The following TBCD variants were observed in gnomAD, a reference collection of about 807,000 sequenced individuals.
TBCD encodes tubulin-specific chaperone D.
In TBCD, 105 loss-of-function variants were observed where a neutral mutation model predicts 169.3. The observed-to-expected ratio is 0.62, with a 90% CI of 0.53 to 0.73. The LOEUF is 0.73. Among genes scored for constraint, TBCD ranks in the 30% least tolerant of loss-of-function variants. TBCD has a pLI of 0.00. For synonymous variants in TBCD, 700 were observed against 643.9 expected (o/e 1.09, Z -1.32); for missense variants, 1,444 against 1,600.1 (o/e 0.90, Z 1.66).
intron 37 of TBCD, among the ~76,000 whole-genome samples, chr17:82,940,397 A>G (rs913787675): frequency 4.6e-5 from 7 of 152,020 alleles, no homozygotes; most frequent in Admixed American, 2.0e-4. Context: ...GCCGACTGTG[A>G]GGGCCTCCGT....
chr17:82,857,768 A>T (rs1278213547), intron 13 of TBCD, among the ~76,000 whole-genome samples: 7 of 145,762 alleles, frequency 4.8e-5, no homozygotes, highest in South Asian at 2.2e-4. Flanking sequence ...TTTTAATTTA[A>T]TTTAATTTTT....
At chr17:82,854,333 A>G (rs1180552172) in intron 13 of TBCD, among the ~76,000 whole-genome samples, 1 of 152,196 alleles carries the variant, frequency 6.6e-6, no homozygotes, top group East Asian at 1.9e-4. Context: ...TTCAGCTTTG[A>G]TAAATCCTTT....
Position 82,938,175 on chromosome 17 carries a change from G to A in TBCD, c.3369+39G>A, listed in dbSNP as rs111422766. The stretch of plus-strand genomic sequence containing the variant: ...CCTGCTCACGTGTGTTTGCCGTGTG[G>A]ACACAAGCCCCTCAGTGACAAGAAG... On this transcript the variant is annotated intron_variant, in intron 36 of 38. Coordinates refer to ENST00000355528, the MANE Select transcript of TBCD (RefSeq NM_005993.5). The A allele has an allele frequency of 4.3e-3, 6,750 of 1,584,308 alleles. 278 individuals carry two copies. In the African/African-American group the frequency reaches 0.079, roughly 19 times the overall value.
intron 23 of TBCD, 61 bp downstream of exon 23, chr17:82,911,850 G>T: frequency 6.3e-7 from 1 of 1,593,572 alleles, no homozygotes; most frequent in Non-Finnish European, 8.6e-7. Flanking sequence ...GTTGAGGGAG[G>T]TGTGCTCGTG....
intron 35 of TBCD, chr17:82,937,714 TGGACACTGGGCAGGTGCGCCAGCCA>T: frequency 1.4e-6 from 1 of 698,286 alleles, no homozygotes; most frequent in Non-Finnish European, 2.3e-6. Context: ...GGCGCTCAGG[TGGACACTGGGCAGGTGCGCCAGCCA>T]GCGATAGGCA....
At chr17:82,929,720 C>T in intron 32 of TBCD, 2 of 673,924 alleles carry the variant, frequency 3.0e-6, no homozygotes, top group South Asian at 1.7e-5. Context: ...TGGGACAGGG[C>T]CAGCGCCACT....
At chr17:82,898,421 C>T (rs974093954) in intron 17 of TBCD, among the ~76,000 whole-genome samples, 18 of 152,198 alleles carry the variant, frequency 1.2e-4, no homozygotes, top group African/African-American at 4.1e-4. Context: ...CTGCTGCAGA[C>T]CCTGGGGCTT....
chr17:82,921,589 A>G lies in TBCD; in HGVS notation c.2178+12A>G, dbSNP rs369373078. 36 of 1,613,768 alleles carry G rather than the reference A, an allele frequency of 2.2e-5. No individual in the cohort carries two copies. Among genetic ancestry groups the G allele is most frequent in the Non-Finnish European group, 3.0e-5 (35 of 1,179,664 alleles). On this transcript the variant is annotated intron_variant, in intron 25 of 38. Transcript: ENST00000355528. The stretch of plus-strand genomic sequence containing the variant: ...GCCAGCAGATGAAGGTACAGTGAGC[A>G]TGGGCGTTCCCGGCCGGCGCTGTGG...
At chr17:82,870,699 A>G (rs9894419) in intron 14 of TBCD, among the ~76,000 whole-genome samples, 152,180 of 152,268 alleles carry the variant, frequency 1, 76,046 homozygotes, top group Middle Eastern at 1. Flanking sequence ...TGCAGGCAGC[A>G]GATTCTTGGG....
In TBCD at chr17:82,817,072, T is replaced by C. The variant is rs78618272; in HGVS notation, c.1318+2138T>C. ...AGAGTTTTTTTATGTATTCTGGATA[T>C]AAGTCTCTTATTGGATATATGATTT... On this transcript the variant is annotated intron_variant, in intron 13 of 38. Transcript: ENST00000355528. Among the ~76,000 whole-genome samples, 1,239 of 152,340 alleles carry C rather than the reference T, an allele frequency of 8.1e-3. 12 individuals are homozygous for C. The highest frequency in any genetic ancestry group is 0.027 in the African/African-American group (1,141 of 41,568).
intron 15 of TBCD, among the ~76,000 whole-genome samples, chr17:82,888,631 C>T (rs1241954675): frequency 6.6e-6 from 1 of 152,228 alleles, no homozygotes; most frequent in Non-Finnish European, 1.5e-5. Context: ...CTTGGAGCCA[C>T]CCGCACGTCT....
chr17:82,843,304 A>ACCCTC, intron 13 of TBCD, among the ~76,000 whole-genome samples: 1 of 99,246 alleles, frequency 1.0e-5, no homozygotes, highest in African/African-American at 3.6e-5. Flanking sequence ...CAGCTTACTT[A>ACCCTC]CCCTTCCCTT....
chr17:82,756,276 G>C, intron 2 of TBCD, 61 bp downstream of exon 2: 2 of 1,475,226 alleles, frequency 1.4e-6, no homozygotes. Flanking sequence ...AGGCCTTGGT[G>C]TGTGGTGCTG....
chr17:82,799,698 A>G (rs2050364419), intron 8 of TBCD, among the ~76,000 whole-genome samples: 1 of 152,058 alleles, frequency 6.6e-6, no homozygotes, highest in Admixed American at 6.5e-5. Flanking sequence ...GGGGCTCTTT[A>G]TGTCCTCACC....
rs1164862123 is a variant in TBCD at position 82,782,736 on chromosome 17, A to G, written c.771+1015A>G. Among the ~76,000 whole-genome samples, 2 of 147,848 alleles carry G rather than the reference A, an allele frequency of 1.4e-5. No individual in the cohort carries two copies. The highest frequency in any genetic ancestry group is 3.0e-5 in the Non-Finnish European group (2 of 67,318). On this transcript the variant is annotated intron_variant, in intron 7 of 38. Coordinates refer to ENST00000355528, the MANE Select transcript of TBCD (RefSeq NM_005993.5). This position sits in a 1 kb window ranked among gnomAD's most constrained non-coding sequence, Gnocchi z 5.1. The stretch of plus-strand genomic sequence containing the variant: ...GTGGCGTCGTCCTCCTGTCCGCAGC[A>G]TCGTCTTCCTATCCGCGGCATTGTC...
chr17:82,787,452 A>G (rs868069164), intron 7 of TBCD, among the ~76,000 whole-genome samples: 1 of 152,164 alleles, frequency 6.6e-6, no homozygotes, highest in African/African-American at 2.4e-5. Flanking sequence ...TTCCAGAGTC[A>G]TGTGTGTTGT....
At chr17:82,807,409 G>T (rs942465438) in intron 10 of TBCD, among the ~76,000 whole-genome samples, 199 bp from the exon 11 acceptor site, 1 of 151,494 alleles carries the variant, frequency 6.6e-6, no homozygotes, top group East Asian at 1.9e-4. Context: ...TAGGAACAGA[G>T]AACTTGGGAA....
chr17:82,857,001 C>T (rs527807047), intron 13 of TBCD, among the ~76,000 whole-genome samples: 60 of 151,880 alleles, frequency 4.0e-4, no homozygotes, highest in Non-Finnish European at 1.6e-4. Flanking sequence ...CGCTGGACCG[C>T]GTGCGGACCC....
Position 82,806,157 on chromosome 17 carries a change from G to C in TBCD, c.1087+146G>C, listed in dbSNP as rs1201251421. On this transcript the variant is annotated intron_variant, in intron 10 of 38. Transcript: ENST00000355528. The surrounding 1 kb of genome is among the most constrained non-coding windows in gnomAD (Gnocchi z 5.1). ...TTCGCTGAGTGCACGGTCACTGCCCGTCCTCTGGCTCCTGAACCCAGGCCT... is the reference window on the plus strand; with the variant it reads ...TTCGCTGAGTGCACGGTCACTGCCCCTCCTCTGGCTCCTGAACCCAGGCCT... 6 of 1,121,788 alleles carry C rather than the reference G, an allele frequency of 5.3e-6. No individual in the cohort carries two copies. In the East Asian group the frequency reaches 1.3e-4, roughly 25 times the overall value. 69.5% of individuals were successfully genotyped at this position (1,121,788 alleles called of 1,614,324 possible). A position where few individuals can be genotyped will look rare whatever the true frequency, so the allele number is the denominator to read the frequency against.
Sources: allele counts gnomAD v4.1 joint callset (sites outside exome capture counted in the v4.1 genomes callset), GRCh38; gene constraint gnomAD v4.1.1; non-coding constraint Gnocchi (gnomAD v3.1); transcripts MANE v1.5; gene names NCBI Gene and HGNC (gene_info 2026-07-23, HGNC 2026-07-21).